The following ARL15 variants were observed in gnomAD, a reference collection of about 807,000 sequenced individuals.
ARL15 encodes the protein ADP-ribosylation factor-like protein 15.
A neutral mutation model predicts 25.2 loss-of-function variants in ARL15; 19 were observed. That is an observed-to-expected ratio of 0.75 (90% CI 0.53 to 1.10). ARL15 has a LOEUF of 1.10. ARL15 is among the 50% of genes least tolerant of loss of function. The probability of loss-of-function intolerance (pLI) is 0.00; values close to 1 mark genes in which losing one functional copy is unlikely to be tolerated. For synonymous variants in ARL15, 94 were observed against 86.8 expected (o/e 1.08, Z -0.46); for missense variants, 220 against 246.0 (o/e 0.89, Z 0.71).
chr5:53,998,980 G>A (rs1580155838), intron 4 of ARL15, among the ~76,000 whole-genome samples: 1 of 152,302 alleles, frequency 6.6e-6, no homozygotes, highest in East Asian at 1.9e-4. Flanking sequence ...GGGGGCTAAT[G>A]GGGCATTGGT....
chr5:53,995,409 AG>A (rs34085341), intron 4 of ARL15, among the ~76,000 whole-genome samples: 23,917 of 150,574 alleles, frequency 0.16, 2,197 homozygotes, highest in East Asian at 0.46. Context: ...TGTCTACATT[AG>A]GGGTGTGCAA....
intron 4 of ARL15, among the ~76,000 whole-genome samples, chr5:54,012,499 C>T (rs1466257370): frequency 6.6e-6 from 1 of 151,224 alleles, no homozygotes; most frequent in African/African-American, 2.4e-5. Flanking sequence ...AGTTGAAAAA[C>T]AAACAACAAA....
chr5:54,244,117 C>A (rs977053237), intron 1 of ARL15, among the ~76,000 whole-genome samples: 1 of 152,168 alleles, frequency 6.6e-6, no homozygotes, highest in African/African-American at 2.4e-5. Context: ...TTCAGCAATA[C>A]AATTTTATCA....
intron 4 of ARL15, chr5:54,047,991 A>G (rs10054623): frequency 0.31 from 47,089 of 151,884 alleles, 8,563 homozygotes; most frequent in African/African-American, 0.5. Flanking sequence ...CCTTTGTTTC[A>G]TTTCTGTTTT....
intron 1 of ARL15, among the ~76,000 whole-genome samples, chr5:54,213,655 A>G (rs921678495): frequency 2.6e-5 from 4 of 152,202 alleles, no homozygotes; most frequent in African/African-American, 9.7e-5. Context: ...TTGTTTAGCA[A>G]AAATGTTCCC....
chr5:54,112,569 A>G (rs1282241188), intron 4 of ARL15, among the ~76,000 whole-genome samples: 1 of 152,192 alleles, frequency 6.6e-6, no homozygotes, highest in Non-Finnish European at 1.5e-5. Context: ...CACATATCTC[A>G]TTACTGCAGT....
chr5:54,101,642 GA>G (rs1308160645), intron 4 of ARL15, among the ~76,000 whole-genome samples: 1 of 151,932 alleles, frequency 6.6e-6, no homozygotes, highest in Non-Finnish European at 1.5e-5. Flanking sequence ...CTCTGGTAAA[GA>G]AAAAAAGATA....
chr5:54,129,067 A>G (rs1753354574), intron 3 of ARL15, among the ~76,000 whole-genome samples: 1 of 152,136 alleles, frequency 6.6e-6, no homozygotes, highest in Non-Finnish European at 1.5e-5. Context: ...GTTATAAGTA[A>G]ATTTTATTAC....
At chr5:54,172,371 CAT>C (rs1001542412) in intron 1 of ARL15, among the ~76,000 whole-genome samples, 7 of 150,728 alleles carry the variant, frequency 4.6e-5, no homozygotes, top group African/African-American at 1.5e-4. Context: ...ACTAAAAAGA[CAT>C]AATAATAAAA....
chr5:54,238,996 G>C (rs1464981976), intron 1 of ARL15, among the ~76,000 whole-genome samples: 1 of 152,210 alleles, frequency 6.6e-6, no homozygotes, highest in Non-Finnish European at 1.5e-5. Context: ...AGCCATTAAT[G>C]ACTCTTCTAA....
In ARL15 at chr5:54,172,057, G is replaced by A. The variant is rs1024633830; in HGVS notation, c.49-129C>T. ...AAGTATTACCTATAAGGAAGAAAAC[G>A]GTAACTTTAGAACAGTGAAACCTGG... On this transcript the variant is annotated intron_variant, in intron 1 of 4. Coordinates refer to ENST00000504924, the MANE Select transcript of ARL15 (RefSeq NM_019087.3). 27 of 1,136,472 alleles carry A rather than the reference G, an allele frequency of 2.4e-5. No homozygotes were observed. In the African/African-American group the frequency reaches 2.8e-4, roughly 12 times the overall value. The allele number at this position is 1,136,472 out of a possible 1,614,324, so 70.4% of individuals were successfully genotyped here.
At chr5:54,263,945 T>C (rs766832994) in intron 1 of ARL15, among the ~76,000 whole-genome samples, 5 of 152,096 alleles carry the variant, frequency 3.3e-5, no homozygotes, top group East Asian at 3.9e-4. Flanking sequence ...GACCACCAAA[T>C]TGTTGTCATG....
In ARL15 at chr5:54,065,978, G is replaced by A. The variant is rs984048406; in HGVS notation, c.462+47224C>T. ...TTTGGATCAATAAGGAATATAAACC[G>A]CACTATTATTACCACTACTTCAAAC... On this transcript the variant is annotated intron_variant, in intron 4 of 4. Coordinates refer to ENST00000504924, the MANE Select transcript of ARL15 (RefSeq NM_019087.3). 3.9e-5 allele frequency among the ~76,000 whole-genome samples: 6 copies of A among 152,044 alleles called. No individual in the cohort carries two copies. In the East Asian group the frequency reaches 5.8e-4, roughly 15 times the overall value.
chr5:54,066,680 G>A (rs971888141), intron 4 of ARL15, among the ~76,000 whole-genome samples: 3 of 151,984 alleles, frequency 2.0e-5, no homozygotes, highest in Admixed American at 1.3e-4. Context: ...CTGAGGCCAG[G>A]GATGCTTCTA....
At chr5:54,265,603 G>T (rs1247198723) in intron 1 of ARL15, among the ~76,000 whole-genome samples, 1 of 150,626 alleles carries the variant, frequency 6.6e-6, no homozygotes, top group African/African-American at 2.5e-5. Context: ...GCACTTTTAT[G>T]GTACTTTCTA....
At chr5:53,970,069 A>G (rs887053840) in intron 4 of ARL15, among the ~76,000 whole-genome samples, 1 of 152,220 alleles carries the variant, frequency 6.6e-6, no homozygotes, top group African/African-American at 2.4e-5. Context: ...ATCTAGTTTA[A>G]TATCTCACAG....
At chr5:54,226,606 A>T (rs867900817) in intron 1 of ARL15, among the ~76,000 whole-genome samples, 11 of 152,176 alleles carry the variant, frequency 7.2e-5, no homozygotes, top group African/African-American at 2.4e-4. Flanking sequence ...AATTTCAAAG[A>T]CTGTTAAAAA....
chr5:54,199,959 C>G (rs573216663), intron 1 of ARL15, among the ~76,000 whole-genome samples: 243 of 149,062 alleles, frequency 1.6e-3, no homozygotes, highest in Admixed American at 2.8e-3. Flanking sequence ...GAATACTATG[C>G]AGCCATAAAA....
At chr5:54,083,169 T>C (rs190997348) in intron 4 of ARL15, among the ~76,000 whole-genome samples, 2 of 152,334 alleles carry the variant, frequency 1.3e-5, no homozygotes, top group Non-Finnish European at 2.9e-5. Flanking sequence ...CTTTCTACTG[T>C]CTAGAGAACA....
Sources: allele counts gnomAD v4.1 joint callset (sites outside exome capture counted in the v4.1 genomes callset), GRCh38; gene constraint gnomAD v4.1.1; transcripts MANE v1.5; gene names NCBI Gene and HGNC (gene_info 2026-07-23, HGNC 2026-07-21).